Variants in ADAMTS17 observed in about 807,000 individuals in gnomAD.
ADAMTS17 encodes the protein A disintegrin and metalloproteinase with thrombospondin motifs 17.
ADAMTS17 carries 113 observed loss-of-function variants against 141.5 expected under a neutral mutation model. That is an observed-to-expected ratio of 0.80 (90% CI 0.69 to 0.93). The LOEUF (loss-of-function observed/expected upper bound fraction) is 0.93. Among genes scored for constraint, ADAMTS17 ranks in the 40% least tolerant of loss-of-function variants. ADAMTS17 has a pLI of 0.00. For synonymous variants in ADAMTS17, 768 were observed against 630.6 expected (o/e 1.22, Z -3.27); for missense variants, 1,659 against 1,517.9 (o/e 1.09, Z -1.54).
intron 15 of ADAMTS17, among the ~76,000 whole-genome samples, chr15:100,080,490 C>A (rs2034660088): frequency 6.6e-6 from 1 of 152,108 alleles, no homozygotes; most frequent in Non-Finnish European, 1.5e-5. Flanking sequence ...ACAGCCCAAT[C>A]CAGGCAGGAC....
Position 99,977,373 on chromosome 15 carries a change from TATATATATATATATATATATATATATA to T in ADAMTS17, c.2950-1178_2950-1152del, listed in dbSNP as rs2060367316. ...TCATATATATATATATATATATATA[TATATATATATATATATATATATATATA>T]ATTTTTTTTTTTTTTTTTTTTTTTT... On this transcript the variant is annotated intron_variant, in intron 20 of 21. Coordinates refer to ENST00000268070, the MANE Select transcript of ADAMTS17 (RefSeq NM_139057.4). Among the ~76,000 whole-genome samples the T allele has an allele frequency of 1.7e-4, 3 of 17,216 alleles. 1 individual carries two copies. The highest frequency in any genetic ancestry group is 4.2e-4 in the Admixed American group (1 of 2,356). 11.3% of individuals were successfully genotyped at this position (17,216 alleles called of 152,430 possible).
chr15:100,056,466 T>C (rs2032579636), intron 15 of ADAMTS17, among the ~76,000 whole-genome samples: 1 of 151,970 alleles, frequency 6.6e-6, no homozygotes, highest in Non-Finnish European at 1.5e-5. Flanking sequence ...GGGGATGGTT[T>C]TGGGATGAAA....
intron 18 of ADAMTS17, among the ~76,000 whole-genome samples, chr15:99,999,525 T>C (rs1314087640): frequency 2.1e-5 from 3 of 144,506 alleles, no homozygotes; most frequent in Non-Finnish European, 4.6e-5. Flanking sequence ...GCTGGCGGGG[T>C]GGAGGCGGAG....
intron 11 of ADAMTS17, among the ~76,000 whole-genome samples, chr15:100,132,864 T>C (rs35902953): frequency 0.17 from 25,131 of 152,260 alleles, 2,167 homozygotes; most frequent in Admixed American, 0.22. Context: ...GATAATACTG[T>C]TCTCACTGAA....
At chr15:100,053,857 C>T in intron 16 of ADAMTS17, 40 bp downstream of exon 16, 1 of 1,614,078 alleles carries the variant, frequency 6.2e-7, no homozygotes, top group Non-Finnish European at 8.5e-7. Flanking sequence ...CCTCTCGGAG[C>T]CACACCCCCT....
intron 12 of ADAMTS17, among the ~76,000 whole-genome samples, chr15:100,119,065 G>A (rs74792676): frequency 8.4e-6 from 1 of 119,202 alleles, no homozygotes. Context: ...CACACACAGA[G>A]ACAGGCAGAG....
chr15:100,275,685 C>T lies in ADAMTS17; in HGVS notation c.789+5544G>A, dbSNP rs565812035. On this transcript the variant is annotated intron_variant, in intron 4 of 21. Coordinates refer to ENST00000268070, the MANE Select transcript of ADAMTS17 (RefSeq NM_139057.4). ...TTCCTTCTCTGTAAAATGGGAATGACGAAATCCACCAGGTATGAGAAGGCA... is the reference window on the plus strand; with the variant it reads ...TTCCTTCTCTGTAAAATGGGAATGATGAAATCCACCAGGTATGAGAAGGCA... 1.1e-4 allele frequency among the ~76,000 whole-genome samples: 17 copies of T among 152,126 alleles called. No individual in the cohort carries two copies. In the South Asian group the frequency reaches 2.5e-3, roughly 22 times the overall value.
intron 7 of ADAMTS17, among the ~76,000 whole-genome samples, chr15:100,212,747 C>A (rs2041848013): frequency 6.7e-6 from 1 of 149,952 alleles, no homozygotes; most frequent in Non-Finnish European, 1.5e-5. Context: ...CAGATCTCAA[C>A]TAACCGACAC....
intron 8 of ADAMTS17, among the ~76,000 whole-genome samples, chr15:100,165,683 G>C (rs753416912): frequency 1.3e-5 from 2 of 152,196 alleles, no homozygotes; most frequent in East Asian, 3.9e-4. Flanking sequence ...GAGGGGCTGT[G>C]CTAAAGCTGA....
intron 3 of ADAMTS17, among the ~76,000 whole-genome samples, chr15:100,326,632 C>T (rs188440835): frequency 2.0e-5 from 3 of 152,286 alleles, no homozygotes; most frequent in Non-Finnish European, 1.5e-5. Context: ...AAAGTCAGGA[C>T]AGGGATGGAA....
intron 13 of ADAMTS17, among the ~76,000 whole-genome samples, 153 bp from the exon 14 acceptor site, chr15:100,109,269 G>C (rs113737112): frequency 4.3e-5 from 2 of 46,778 alleles, no homozygotes; most frequent in South Asian, 9.4e-4. Context: ...TCCAGGAAGC[G>C]GAAAAAGACC....
chr15:100,309,346 G>A (rs540852959), intron 3 of ADAMTS17, among the ~76,000 whole-genome samples: 8 of 152,324 alleles, frequency 5.3e-5, no homozygotes, highest in African/African-American at 1.9e-4. Context: ...GTGACAGGGC[G>A]ACACCCTGTC....
At chr15:100,052,613 C>T (rs12441162) in intron 16 of ADAMTS17, among the ~76,000 whole-genome samples, 29,843 of 152,098 alleles carry the variant, frequency 0.2, 3,363 homozygotes, top group East Asian at 0.42. Flanking sequence ...CTCATGCTAA[C>T]AGGTGAAGTT....
intron 15 of ADAMTS17, chr15:100,074,025 A>G (rs2034186125): frequency 6.6e-6 from 1 of 152,310 alleles, no homozygotes; most frequent in Non-Finnish European, 1.5e-5. Flanking sequence ...AAGATAAATA[A>G]TAATATCACA....
At position 100,138,550 on chromosome 15, in the gene ADAMTS17, T is replaced by C. The variant is rs575727202; in HGVS notation, c.1474-5235A>G. ...AGCCCCGAATGAGAGAATCTGTGACTAGAAAACAGACCTGAAGAAATTATC... is the reference window on the plus strand; with the variant it reads ...AGCCCCGAATGAGAGAATCTGTGACCAGAAAACAGACCTGAAGAAATTATC... On this transcript the variant is annotated intron_variant, in intron 10 of 21. Transcript: ENST00000268070. Among the ~76,000 whole-genome samples, 38 of 152,270 alleles carry C rather than the reference T, an allele frequency of 2.5e-4. No homozygotes were observed. In the South Asian group the frequency reaches 4.2e-3, roughly 17 times the overall value.
At chr15:100,262,550 T>G (rs767523148) in intron 4 of ADAMTS17, 115 bp from the exon 5 acceptor site, 14 of 776,186 alleles carry the variant, frequency 1.8e-5, no homozygotes, top group Non-Finnish European at 2.7e-5. Flanking sequence ...AATAAGGAAA[T>G]AGAAATAAAG....
rs144450492 is a variant in ADAMTS17 at position 100,100,243 on chromosome 15, C to G, written c.2017-3767G>C. On this transcript the variant is annotated intron_variant, in intron 14 of 21. Coordinates refer to ENST00000268070, the MANE Select transcript of ADAMTS17 (RefSeq NM_139057.4). ...TCCTGTCTGATTCTCCTCCCAGCCC[C>G]TGGATGACTCCTCCCTCCTCTTGCT... 1.2e-3 allele frequency among the ~76,000 whole-genome samples: 176 copies of G among 152,356 alleles called. 2 individuals are homozygous for G. Among genetic ancestry groups the G allele is most frequent in the Non-Finnish European group, 2.2e-3 (151 of 68,032 alleles).
intron 3 of ADAMTS17, among the ~76,000 whole-genome samples, chr15:100,325,190 C>A (rs1272687445): frequency 6.6e-6 from 1 of 152,146 alleles, no homozygotes; most frequent in African/African-American, 2.4e-5. Context: ...ACATCACCAC[C>A]CCATGGTGCA....
intron 7 of ADAMTS17, among the ~76,000 whole-genome samples, chr15:100,251,945 G>A (rs2141952437): frequency 6.6e-6 from 1 of 152,310 alleles, no homozygotes; most frequent in African/African-American, 2.4e-5. Flanking sequence ...CCTGGATCTA[G>A]GACTTCCAGC....
Sources: allele counts gnomAD v4.1 joint callset (sites outside exome capture counted in the v4.1 genomes callset), GRCh38; gene constraint gnomAD v4.1.1; transcripts MANE v1.5; gene names NCBI Gene and HGNC (gene_info 2026-07-23, HGNC 2026-07-21).